KL: variants seen among roughly 807,000 people sequenced by gnomAD.
KL encodes alpha-klotho.
A neutral mutation model predicts 84.2 loss-of-function variants in KL; 62 were observed. The ratio of observed to expected loss-of-function variants is 0.74; its 90% confidence interval spans 0.60 to 0.91. The LOEUF is 0.91. Ranked by LOEUF, KL falls within the 40% of genes least tolerant of loss-of-function variation. The probability of loss-of-function intolerance (pLI) is 0.00; values close to 1 mark genes in which losing one functional copy is unlikely to be tolerated. For synonymous variants in KL, 528 were observed against 528.0 expected, an observed-to-expected ratio of 1.00 and a Z score of 0.00; for missense variants, 1,261 against 1,305.7, an observed-to-expected ratio of 0.97 and a Z score of 0.53.
chr13:33,051,344 A>C (rs1024912484), intron 1 of KL, among the ~76,000 whole-genome samples: 1 of 152,178 alleles, frequency 6.6e-6, no homozygotes, highest in Non-Finnish European at 1.5e-5. Context: ...GTTTAAGACC[A>C]GCCAGGGCAA....
intron 4 of KL, among the ~76,000 whole-genome samples, chr13:33,063,035 C>T (rs1872270336): frequency 6.6e-6 from 1 of 151,940 alleles, no homozygotes; most frequent in Non-Finnish European, 1.5e-5. Context: ...GTTTTGGGCC[C>T]TCTGACGTCA....
At chr13:33,026,603 A>G (rs1239312198) in intron 1 of KL, among the ~76,000 whole-genome samples, 1 of 152,168 alleles carries the variant, frequency 6.6e-6, no homozygotes, top group East Asian at 1.9e-4. Context: ...AACCATCTTT[A>G]TAACTCCCTG....
chr13:33,027,989 G>T (rs559655872), intron 1 of KL, among the ~76,000 whole-genome samples: 18 of 152,332 alleles, frequency 1.2e-4, no homozygotes, highest in African/African-American at 4.3e-4. Flanking sequence ...AAGGAGAGTG[G>T]GCAGGGAGAA....
chr13:33,057,111 A>T (rs1467371171), intron 3 of KL, among the ~76,000 whole-genome samples: 1 of 152,040 alleles, frequency 6.6e-6, no homozygotes, highest in Admixed American at 6.5e-5. Flanking sequence ...GGGGTTGGGG[A>T]TAGATCGGAT....
intron 1 of KL, among the ~76,000 whole-genome samples, chr13:33,019,199 CTTA>C (rs1457275788): frequency 6.6e-6 from 1 of 151,262 alleles, no homozygotes; most frequent in Non-Finnish European, 1.5e-5. Flanking sequence ...ATTCTTGTAT[CTTA>C]TTTAGAAGCG....
intron 1 of KL, among the ~76,000 whole-genome samples, chr13:33,019,015 C>T (rs1870474719): frequency 6.6e-6 from 1 of 152,174 alleles, no homozygotes; most frequent in Admixed American, 6.5e-5. Context: ...TTTTTCAATG[C>T]TTACACAAAA....
At chr13:33,024,004 C>T (rs1870667368) in intron 1 of KL, among the ~76,000 whole-genome samples, 1 of 152,180 alleles carries the variant, frequency 6.6e-6, no homozygotes, top group Non-Finnish European at 1.5e-5. Flanking sequence ...ACTCAAGTTG[C>T]CCCCTTGATT....
intron 1 of KL, among the ~76,000 whole-genome samples, chr13:33,032,374 T>C (rs895951208): frequency 2.0e-5 from 3 of 152,314 alleles, no homozygotes; most frequent in South Asian, 2.1e-4. Context: ...AGTTTTTCTC[T>C]GGTCCGCAGT....
At chr13:33,031,357 G>C (rs781080485) in intron 1 of KL, among the ~76,000 whole-genome samples, 2 of 152,182 alleles carry the variant, frequency 1.3e-5, no homozygotes, top group Non-Finnish European at 2.9e-5. Flanking sequence ...TAGCAGGGAA[G>C]GAAGAGCTCT....
At chr13:33,028,686 A>C (rs951744149) in intron 1 of KL, among the ~76,000 whole-genome samples, 2 of 152,262 alleles carry the variant, frequency 1.3e-5, no homozygotes, top group Non-Finnish European at 2.9e-5. Context: ...AATTAGCCAC[A>C]GTCCCAAAGA....
intron 4 of KL, among the ~76,000 whole-genome samples, chr13:33,062,953 G>A (rs974959043): frequency 4.0e-5 from 6 of 151,450 alleles, no homozygotes; most frequent in African/African-American, 1.5e-4. Flanking sequence ...GTGATTGGCA[G>A]GGGGGGAAAA....
intron 4 of KL, 68 bp from the exon 5 acceptor site, chr13:33,063,781 A>T: frequency 6.9e-7 from 1 of 1,459,376 alleles, no homozygotes; most frequent in East Asian, 2.3e-5. Context: ...CGTCTCAAAA[A>T]AAAAAAAAAG....
chr13:33,052,531 A>G (rs1871793234), intron 1 of KL, among the ~76,000 whole-genome samples: 1 of 152,208 alleles, frequency 6.6e-6, no homozygotes, highest in African/African-American at 2.4e-5. Context: ...CATAGTAGAT[A>G]TGTTCACCAA....
At chr13:33,036,223 C>A (rs569760138) in intron 1 of KL, among the ~76,000 whole-genome samples, 1 of 152,282 alleles carries the variant, frequency 6.6e-6, no homozygotes, top group South Asian at 2.1e-4. Flanking sequence ...AGGGACTTTA[C>A]GACAAGGACA....
At chr13:33,041,852 G>T (rs748075098) in intron 1 of KL, among the ~76,000 whole-genome samples, 1 of 152,110 alleles carries the variant, frequency 6.6e-6, no homozygotes, top group Non-Finnish European at 1.5e-5. Flanking sequence ...CTCAGACAAT[G>T]CTTCCTTGAA....
At chr13:33,022,284 TA>T (rs1870604066) in intron 1 of KL, among the ~76,000 whole-genome samples, 3 of 152,232 alleles carry the variant, frequency 2.0e-5, no homozygotes, top group Non-Finnish European at 4.4e-5. Flanking sequence ...CCTTCTGAAT[TA>T]TCTTATATTC....
intron 4 of KL, among the ~76,000 whole-genome samples, chr13:33,062,043 C>T (rs1008490977): frequency 6.6e-6 from 1 of 152,178 alleles, no homozygotes; most frequent in Non-Finnish European, 1.5e-5. Flanking sequence ...TGGATGGCTC[C>T]ACAGCAGTCT....
rs1870375030 is a variant in KL, at chr13:33,016,963, C to A, written c.523C>A (p.Arg175Ser). The A allele has an allele frequency of 1.9e-6, 3 of 1,601,614 alleles. No individual in the cohort carries two copies. Among genetic ancestry groups the A allele is most frequent in the Non-Finnish European group, 2.6e-6 (3 of 1,176,010 alleles). ...CCGCGAGGGGCTGCGCTACTACCGG[C>A]GCCTGCTGGAGCGGCTGCGGGAGCT... ...PNREGLRYYRRLLERLRELGV... is the reference protein window; with the variant it reads ...PNREGLRYYRSLLERLRELGV... Residue 175 changes from arginine to serine, a missense_variant, in exon 1 of 5, where the codon CGC becomes AGC. Coordinates refer to ENST00000380099, the MANE Select transcript of KL (RefSeq NM_004795.4).
chr13:33,042,394 C>T (rs1871369479), intron 1 of KL, among the ~76,000 whole-genome samples: 1 of 152,136 alleles, frequency 6.6e-6, no homozygotes, highest in Non-Finnish European at 1.5e-5. Flanking sequence ...AATCAATTCT[C>T]ACCTCCGTAG....
Sources: allele counts gnomAD v4.1 joint callset (sites outside exome capture counted in the v4.1 genomes callset), GRCh38; gene constraint gnomAD v4.1.1; transcripts MANE v1.5; gene names NCBI Gene and HGNC (gene_info 2026-07-23, HGNC 2026-07-21).